The following PLEKHG1 variants were observed in gnomAD, a reference collection of about 807,000 sequenced individuals.
PLEKHG1 encodes pleckstrin homology domain-containing family G member 1.
A neutral mutation model predicts 100.8 loss-of-function variants in PLEKHG1; 44 were observed. The observed-to-expected ratio is 0.44, with a 90% CI of 0.34 to 0.56. The LOEUF (loss-of-function observed/expected upper bound fraction) is 0.56. Among genes scored for constraint, PLEKHG1 ranks in the 20% least tolerant of loss-of-function variants. The pLI, the probability that PLEKHG1 is intolerant of heterozygous loss-of-function variation, is 0.01. For synonymous variants in PLEKHG1, 640 were observed against 662.5 expected, an observed-to-expected ratio of 0.97 and a Z score of 0.52; for missense variants, 1,545 against 1,720.9, an observed-to-expected ratio of 0.90 and a Z score of 1.81.
intron 3 of PLEKHG1, among the ~76,000 whole-genome samples, chr6:150,783,741 G>C (rs915723406): frequency 1.3e-5 from 2 of 152,066 alleles, no homozygotes; most frequent in African/African-American, 4.8e-5. Context: ...GACTGAAAAA[G>C]CTTTTTTGTT....
At chr6:150,840,230 C>A in exon 16 of PLEKHG1, 2 of 1,614,226 alleles carry the variant, frequency 1.2e-6, no homozygotes, top group Non-Finnish European at 1.7e-6. Context: ...ATCTTTACAA[C>A]TCCTTGGGTC....
At chr6:150,802,184 T>C (rs977782165) in intron 6 of PLEKHG1, among the ~76,000 whole-genome samples, 1 of 152,236 alleles carries the variant, frequency 6.6e-6, no homozygotes, top group Non-Finnish European at 1.5e-5. Flanking sequence ...CTTAGCTTTG[T>C]CTGTTTGCCT....
Position 150,612,055 on chromosome 6 carries a change from C to CG in PLEKHG1, c.-204+12038_-204+12039insG, listed in dbSNP as rs1396144713. Reference sequence around the variant, plus strand: ...GCTTCCTGGTGTTGTTCCCCCCCCCCCCCCCTTTTCTAGTTCTTAGTTAAT... The same window carrying CG: ...GCTTCCTGGTGTTGTTCCCCCCCCCCGCCCCCTTTTCTAGTTCTTAGTTAAT... On this transcript the variant is annotated intron_variant, in intron 1 of 3. Transcript: ENST00000367326. 1.7e-4 allele frequency among the ~76,000 whole-genome samples: 18 copies of CG among 104,812 alleles called. 1 individual carries two copies. Among genetic ancestry groups the CG allele is most frequent in the Non-Finnish European group, 2.9e-4 (13 of 44,090 alleles). The allele number at this position is 104,812 out of a possible 152,430, so 68.8% of individuals were successfully genotyped here.
intron 3 of PLEKHG1, among the ~76,000 whole-genome samples, chr6:150,781,463 C>T (rs1326015458): frequency 5.3e-5 from 8 of 151,570 alleles, no homozygotes; most frequent in Admixed American, 5.2e-4. Flanking sequence ...CGAGATCATG[C>T]CATTGCACTC....
Position 150,831,491 on chromosome 6 carries a change from G to A in PLEKHG1, c.2380G>A (p.Glu794Lys), listed in dbSNP as rs1475842840. The change falls in exon 15 of 16, where the codon GAG becomes AAG. Residue 794 changes from glutamate (E) to lysine (K), a missense_variant. By Grantham distance (56) the Glu-to-Lys change is moderately conservative. Coordinates refer to ENST00000358517, the Ensembl canonical transcript of PLEKHG1. The surrounding 1 kb of genome is among the most constrained non-coding windows in gnomAD (Gnocchi z 4.1). ...TTCCCAAGACAGCCTCCAGCTCAGT[G>A]AGGACGAAGCCCCTTACCATCAGGC... The A allele has an allele frequency of 3.7e-6, 6 of 1,614,158 alleles. No homozygotes were observed. Among genetic ancestry groups the A allele is most frequent in the Non-Finnish European group, 5.1e-6 (6 of 1,180,004 alleles).
intron 14 of PLEKHG1, among the ~76,000 whole-genome samples, 189 bp downstream of exon 15, chr6:150,823,865 T>C (rs1241999420): frequency 6.6e-6 from 1 of 152,236 alleles, no homozygotes; most frequent in Admixed American, 6.5e-5. Context: ...CCTTATCAAC[T>C]TCTTCCCTTT....
At chr6:150,668,100 T>C (rs1779468137) in intron 3 of PLEKHG1, among the ~76,000 whole-genome samples, 1 of 152,250 alleles carries the variant, frequency 6.6e-6, no homozygotes, top group Admixed American at 6.5e-5. Flanking sequence ...TGGTTGCTGT[T>C]GGCTGTGAAA....
rs188775051 is a variant in PLEKHG1 at position 150,710,900 on chromosome 6, T to C, written c.-98-22684T>C. Among the ~76,000 whole-genome samples, 848 of 152,248 alleles carry C rather than the reference T, an allele frequency of 5.6e-3. 3 individuals are homozygous for C. The highest frequency in any genetic ancestry group is 9.1e-3 in the Non-Finnish European group (621 of 68,012). On this transcript the variant is annotated intron_variant, in intron 3 of 3. Coordinates refer to the PLEKHG1 transcript ENST00000367326. ...ACCCCAAACTAGGCCTGGTCCCCTT[T>C]ACACGTTTCCATAGTGCCTGTGCCT...
intron 3 of PLEKHG1, among the ~76,000 whole-genome samples, chr6:150,778,526 C>T (rs907516916): frequency 1.3e-5 from 2 of 152,196 alleles, no homozygotes; most frequent in African/African-American, 4.8e-5. Context: ...CCTTCTTTCA[C>T]CCTCGCCCAG....
At chr6:150,713,469 G>A (rs991593706) in intron 3 of PLEKHG1, among the ~76,000 whole-genome samples, 39 of 152,188 alleles carry the variant, frequency 2.6e-4, no homozygotes, top group African/African-American at 7.9e-4. Flanking sequence ...AAAGCATATG[G>A]GCTCCCCTGA....
At chr6:150,818,134 A>G (rs541048173) in intron 10 of PLEKHG1, 49 bp from the exon 12 acceptor site, 10 of 1,475,502 alleles carry the variant, frequency 6.8e-6, no homozygotes, top group East Asian at 2.3e-5. Flanking sequence ...TTTGGAGTTT[A>G]AAGAAAAAAA....
At chr6:150,635,886 C>T (rs1177010594) in intron 1 of PLEKHG1, among the ~76,000 whole-genome samples, 2 of 152,170 alleles carry the variant, frequency 1.3e-5, no homozygotes, top group Non-Finnish European at 2.9e-5. Flanking sequence ...ATGCACTGTA[C>T]AACACTCATA....
At chr6:150,835,207 A>G (rs1272993080) in intron 15 of PLEKHG1, among the ~76,000 whole-genome samples, 1 of 152,172 alleles carries the variant, frequency 6.6e-6, no homozygotes, top group East Asian at 1.9e-4. Flanking sequence ...AGAGCCTGTC[A>G]TAGCATGCTG....
chr6:150,804,175 A>ATATATATATATATATATATATAT (rs1173213745), intron 6 of PLEKHG1, among the ~76,000 whole-genome samples: 1 of 43,174 alleles, frequency 2.3e-5, no homozygotes, highest in Non-Finnish European at 3.9e-5. Flanking sequence ...ATATATATAT[A>ATATATATATATATATATATATAT]TTTTTTTTTT....
chr6:150,641,876 CAAAA>C (rs71554473), intron 2 of PLEKHG1, among the ~76,000 whole-genome samples: 4 of 76,792 alleles, frequency 5.2e-5, no homozygotes, highest in African/African-American at 1.6e-4. Context: ...TGTGAAAAGG[CAAAA>C]AAAAAAAAAA....
At chr6:150,749,099 G>T (rs1257334671) in intron 2 of PLEKHG1, among the ~76,000 whole-genome samples, 1 of 152,208 alleles carries the variant, frequency 6.6e-6, no homozygotes, top group Admixed American at 6.5e-5. Flanking sequence ...TCACACCCCA[G>T]ATCCTGCAGC....
intron 2 of PLEKHG1, among the ~76,000 whole-genome samples, chr6:150,738,913 C>T (rs1782705462): frequency 6.6e-6 from 1 of 152,092 alleles, no homozygotes; most frequent in African/African-American, 2.4e-5. Context: ...AGTTAAATTG[C>T]CAATGATACA....
At chr6:150,726,419 T>C (rs1781966803) in intron 1 of PLEKHG1, among the ~76,000 whole-genome samples, 1 of 152,210 alleles carries the variant, frequency 6.6e-6, no homozygotes, top group South Asian at 2.1e-4. Flanking sequence ...ACTTTTTCTA[T>C]TTAATCATAC....
intron 10 of PLEKHG1, among the ~76,000 whole-genome samples, chr6:150,813,478 T>C (rs1030477820): frequency 6.7e-6 from 1 of 149,144 alleles, no homozygotes; most frequent in African/African-American, 2.5e-5. Context: ...TGTGGGTTCC[T>C]CCAGGTTGGG....
Sources: allele counts gnomAD v4.1 joint callset (sites outside exome capture counted in the v4.1 genomes callset), GRCh38; gene constraint gnomAD v4.1.1; non-coding constraint Gnocchi (gnomAD v3.1); transcripts MANE v1.5; gene names NCBI Gene and HGNC (gene_info 2026-07-23, HGNC 2026-07-21).